Variants in PDLIM5 observed in about 807,000 individuals in gnomAD.
PDLIM5 encodes PDZ and LIM domain protein 5.
In PDLIM5, 34 loss-of-function variants were observed where a neutral mutation model predicts 64.2. That is an observed-to-expected ratio of 0.53 (90% confidence interval 0.40 to 0.71). PDLIM5 has a LOEUF of 0.71. Ranked by LOEUF, PDLIM5 falls within the 30% of genes least tolerant of loss-of-function variation. PDLIM5 has a pLI of 0.00. For synonymous variants in PDLIM5, 253 were observed against 269.1 expected, an observed-to-expected ratio of 0.94 and a Z score of 0.59; for missense variants, 683 against 733.6, an observed-to-expected ratio of 0.93 and a Z score of 0.80.
intron 9 of PDLIM5, among the ~76,000 whole-genome samples, chr4:94,643,659 A>T (rs953558033): frequency 1.3e-5 from 2 of 152,202 alleles, no homozygotes; most frequent in African/African-American, 4.8e-5. Flanking sequence ...TAAATATGGA[A>T]TGCTTAAATA....
rs371717002 is a variant in PDLIM5, at chr4:94,573,352, G to C, written c.250G>C (p.Ala84Pro). ...TGSLNMTLQR[A>P]SAAPKPEPVP... The stretch of plus-strand genomic sequence containing the variant: ...CTTTTTCTTTCTTTTTTTCCTCAGA[G>C]CATCTGCTGCACCCAAGCCTGAGCC... The change falls in exon 4 of 13, where the codon GCA (alanine) becomes CCA (proline). Residue 84 changes from alanine (A) to proline (P), a missense_variant and splice_region_variant. Physicochemically the swap from Ala to Pro is conservative, Grantham distance 27 (BLOSUM62 -1). Coordinates refer to ENST00000317968, the MANE Select transcript of PDLIM5 (RefSeq NM_006457.5). The C allele has an allele frequency of 6.2e-7, 1 of 1,608,702 alleles. No individual in the cohort carries two copies. Among genetic ancestry groups the C allele is most frequent in the Non-Finnish European group, 8.5e-7 (1 of 1,177,708 alleles).
At chr4:94,464,519 A>C in intron 2 of PDLIM5, among the ~76,000 whole-genome samples, 1 of 152,244 alleles carries the variant, frequency 6.6e-6, no homozygotes. Context: ...TTGTTCTGAA[A>C]GTATTTTTCT....
rs542730460 is a variant in PDLIM5, at chr4:94,490,307, C to T, written c.97-33417C>T. On this transcript the variant is annotated intron_variant, in intron 2 of 12. Transcript: ENST00000317968. ...AATAATATCTAATGATTTTAGATTG[C>T]ATTATAAATATTTTAACCCTTGATA... 5.3e-5 allele frequency among the ~76,000 whole-genome samples: 8 copies of T among 151,908 alleles called. No homozygotes were observed. The South Asian group carries it at 1.7e-3, about 32-fold the overall frequency.
At position 94,635,286 on chromosome 4, in the gene PDLIM5, A is replaced by G. The variant is rs140421448; in HGVS notation, c.1109-4990A>G. Among the ~76,000 whole-genome samples the G allele has an allele frequency of 4.3e-3, 661 of 152,292 alleles. 5 individuals carry two copies. Among genetic ancestry groups the G allele is most frequent in the African/African-American group, 0.013 (556 of 41,568 alleles). Reference sequence around the variant, plus strand: ...CATAAAAGAAGCCAATATTTAATGAAAGTTGCTCAAGCCTTGAGTCAAGAA... The same window carrying G: ...CATAAAAGAAGCCAATATTTAATGAGAGTTGCTCAAGCCTTGAGTCAAGAA... On this transcript the variant is annotated intron_variant, in intron 8 of 12. Transcript: ENST00000317968.
chr4:94,644,094 A>G (rs185692485), intron 9 of PDLIM5, among the ~76,000 whole-genome samples: 53 of 152,362 alleles, frequency 3.5e-4, no homozygotes, highest in Non-Finnish European at 6.2e-4. Context: ...AATGTGCAGC[A>G]TCTATATAAT....
intron 7 of PDLIM5, among the ~76,000 whole-genome samples, chr4:94,609,120 A>G (rs976874400): frequency 1.3e-5 from 2 of 152,156 alleles, no homozygotes; most frequent in Non-Finnish European, 2.9e-5. Flanking sequence ...GGAAAAAGAG[A>G]CTTATGTCAA....
rs187966536 is a variant in PDLIM5, at chr4:94,627,762, A to G, written c.1108+9571A>G. Among the ~76,000 whole-genome samples, 4 of 152,350 alleles carry G rather than the reference A, an allele frequency of 2.6e-5. No individual in the cohort carries two copies. In the East Asian group the frequency reaches 7.7e-4, roughly 29 times the overall value. Reference sequence around the variant, plus strand: ...TTTGTTAACACTGGTTTTCAAACGCATGAATAAGAATAACAATGCTTGATA... The same window carrying G: ...TTTGTTAACACTGGTTTTCAAACGCGTGAATAAGAATAACAATGCTTGATA... On this transcript the variant is annotated intron_variant, in intron 8 of 12. Coordinates refer to ENST00000317968, the MANE Select transcript of PDLIM5 (RefSeq NM_006457.5).
intron 2 of PDLIM5, among the ~76,000 whole-genome samples, chr4:94,477,950 T>G (rs1725471842): frequency 6.6e-6 from 1 of 152,178 alleles, no homozygotes; most frequent in African/African-American, 2.4e-5. Flanking sequence ...AATGATTTCT[T>G]TAGCTTACTT....
intron 10 of PDLIM5, among the ~76,000 whole-genome samples, chr4:94,655,782 C>T (rs1742162540): frequency 6.6e-6 from 1 of 152,154 alleles, no homozygotes; most frequent in African/African-American, 2.4e-5. Context: ...AAATGGAAAT[C>T]TCATACTCAT....
chr4:94,604,850 A>G (rs1465798929), intron 7 of PDLIM5, among the ~76,000 whole-genome samples: 1 of 152,176 alleles, frequency 6.6e-6, no homozygotes, highest in Non-Finnish European at 1.5e-5. Flanking sequence ...GTTTCATGTT[A>G]TGTATTTTTT....
intron 11 of PDLIM5, among the ~76,000 whole-genome samples, chr4:94,661,620 C>G (rs1440336993): frequency 6.6e-6 from 1 of 152,160 alleles, no homozygotes; most frequent in Non-Finnish European, 1.5e-5. Context: ...TAGCTAGAAA[C>G]TCAGTCATAG....
intron 2 of PDLIM5, among the ~76,000 whole-genome samples, chr4:94,492,072 G>A (rs1553940451): frequency 6.8e-6 from 1 of 147,566 alleles, no homozygotes; most frequent in Admixed American, 6.7e-5. Flanking sequence ...TCCTTTAAAA[G>A]TAATTTGTAT....
intron 7 of PDLIM5, among the ~76,000 whole-genome samples, chr4:94,612,537 C>T (rs1489752009): frequency 6.6e-6 from 1 of 152,168 alleles, no homozygotes; most frequent in African/African-American, 2.4e-5. Flanking sequence ...AAAGTGCCTG[C>T]GTGCATATAC....
At position 94,482,837 on chromosome 4, in the gene PDLIM5, C is replaced by T. The variant is rs561169760; in HGVS notation, c.96+27453C>T. 2.0e-5 allele frequency among the ~76,000 whole-genome samples: 3 copies of T among 152,226 alleles called. No individual in the cohort carries two copies. In the East Asian group the frequency reaches 5.8e-4, roughly 29 times the overall value. ...CCAGGGGGTCAAGGCTGCCCTGAGC[C>T]ATGATCGTGCCACTGCACTCGAGCC... On this transcript the variant is annotated intron_variant, in intron 2 of 12. Coordinates refer to ENST00000317968, the MANE Select transcript of PDLIM5 (RefSeq NM_006457.5).
intron 8 of PDLIM5, among the ~76,000 whole-genome samples, chr4:94,635,740 G>A (rs1312226845): frequency 1.3e-5 from 2 of 152,216 alleles, no homozygotes; most frequent in South Asian, 2.1e-4. Context: ...AGCCAAGTGA[G>A]CAGAGACTAG....
intron 3 of PDLIM5, among the ~76,000 whole-genome samples, chr4:94,528,370 G>C (rs1198490462): frequency 6.6e-6 from 1 of 152,122 alleles, no homozygotes; most frequent in East Asian, 1.9e-4. Flanking sequence ...GGAATAACAA[G>C]GGCAATTCCA....
chr4:94,614,203 C>T (rs1349304081), intron 7 of PDLIM5, among the ~76,000 whole-genome samples: 11 of 152,100 alleles, frequency 7.2e-5, no homozygotes, highest in Non-Finnish European at 1.2e-4. Context: ...CCTCGTGATC[C>T]GCCCACCTCG....
chr4:94,595,956 A>G (rs1007631780), intron 7 of PDLIM5, among the ~76,000 whole-genome samples: 2 of 152,176 alleles, frequency 1.3e-5, no homozygotes, highest in African/African-American at 4.8e-5. Flanking sequence ...CTGTCAAAAA[A>G]TGGTGTATAT....
At chr4:94,653,523 A>T (rs928888327) in intron 9 of PDLIM5, among the ~76,000 whole-genome samples, 12 of 151,230 alleles carry the variant, frequency 7.9e-5, no homozygotes, top group African/African-American at 2.9e-4. Context: ...TTATCAGTTC[A>T]TGACCATAAA....
Sources: allele counts gnomAD v4.1 joint callset (sites outside exome capture counted in the v4.1 genomes callset), GRCh38; gene constraint gnomAD v4.1.1; transcripts MANE v1.5; gene names NCBI Gene and HGNC (gene_info 2026-07-23, HGNC 2026-07-21).